The following TUBA4B variants were observed in gnomAD, a reference collection of about 807,000 sequenced individuals.
TUBA4B encodes tubulin alpha 4b.
In TUBA4B, 13 loss-of-function variants were observed where a neutral mutation model predicts 18.4. That is an observed-to-expected ratio of 0.71 (90% CI 0.46 to 1.12). The LOEUF is 1.12. Among genes scored for constraint, TUBA4B ranks in the 50% most tolerant of loss-of-function variants. TUBA4B has a pLI of 0.00. For missense variants in TUBA4B, 244 were observed against 250.0 expected (o/e 0.98, Z 0.16); for synonymous variants, 101 against 99.1 (o/e 1.02, Z -0.11).
Position 219,253,342 on chromosome 2 carries a change from G to T in TUBA4B, c.-66G>T. 6.5e-7 allele frequency: 1 copy of T among 1,533,490 alleles called. No homozygotes were observed. Among genetic ancestry groups the T allele is most frequent in the Non-Finnish European group, 8.7e-7 (1 of 1,146,016 alleles). The allele number at this position is 1,533,490 out of a possible 1,614,324, so 95.0% of individuals were successfully genotyped here. A position where few individuals can be genotyped will look rare whatever the true frequency, so the allele number is the denominator to read the frequency against. ...ACCAACCCTCTCAGCTCAGACGCGG[G>T]GTGCTGAGTCACGGGGGGGGGGTGG... On this transcript the variant is annotated 5_prime_UTR_variant, in exon 1 of 4. Coordinates refer to ENST00000490341, the MANE Select transcript of TUBA4B (RefSeq NM_001355221.1).
In TUBA4B at chr2:219,256,208, G is replaced by A. The variant is rs192368910; in HGVS notation, c.12+2789G>A. Among the ~76,000 whole-genome samples the A allele has an allele frequency of 1.6e-4, 25 of 152,270 alleles. No individual in the cohort carries two copies. In the East Asian group the frequency reaches 2.1e-3, roughly 13 times the overall value. ...GTGCAGATTCTTCATTTGTAAAACC[G>A]GGATAACAACTTCAGATTGTGAATA... On this transcript the variant is annotated intron_variant, in intron 1 of 3. Coordinates refer to ENST00000490341, the MANE Select transcript of TUBA4B (RefSeq NM_001355221.1).
In TUBA4B at chr2:219,271,638, C is replaced by T. The variant is rs56105486; in HGVS notation, c.665C>T (p.Thr222Met). 0.019 allele frequency: 30,799 copies of T among 1,613,746 alleles called. 860 individuals are homozygous for T. Among genetic ancestry groups the T allele is most frequent in the East Asian group, 0.11 (4,760 of 44,876 alleles). The change falls in exon 4 of 4, where the codon ACG (threonine) becomes ATG (methionine). Residue 222 changes from threonine (T) to methionine (M), a missense_variant. By Grantham distance (81) the Thr-to-Met change is moderately conservative (BLOSUM62 -1). Coordinates refer to ENST00000490341, the MANE Select transcript of TUBA4B (RefSeq NM_001355221.1). ...TCATCTCTGCAGAAAAGGTATACCA[C>T]GAGCAGCTGTTGGTGGCAGAGATTA... ...HQSSLQKRYT[T>M]SSCWWQRLPM...
chr2:219,271,838 G>T lies in TUBA4B; in HGVS notation c.*139G>T. ...CAGTTTGTGGACTGGTGCCCCACAG[G>T]CTTTAAGGTTGATATCAATCACCAG... On this transcript the variant is annotated 3_prime_UTR_variant, in exon 4 of 4. Coordinates refer to ENST00000490341, the MANE Select transcript of TUBA4B (RefSeq NM_001355221.1). The T allele has an allele frequency of 6.4e-7, 1 of 1,563,158 alleles. No homozygotes were observed. Among genetic ancestry groups the T allele is most frequent in the Non-Finnish European group, 8.8e-7 (1 of 1,133,776 alleles).
chr2:219,267,581 G>GTTT (rs1329718937), intron 2 of TUBA4B, among the ~76,000 whole-genome samples: 2 of 142,506 alleles, frequency 1.4e-5, no homozygotes, highest in Admixed American at 7.0e-5. Flanking sequence ...TCTTTTTTTT[G>GTTT]TTTTTTTTTT....
intron 1 of TUBA4B, among the ~76,000 whole-genome samples, chr2:219,257,665 A>AAG (rs1559279321): frequency 6.3e-5 from 9 of 143,620 alleles, no homozygotes; most frequent in Non-Finnish European, 4.5e-5. Context: ...AAAAAAAAAA[A>AAG]AGAGACAGGA....
At chr2:219,265,363 G>T (rs914496422) in intron 1 of TUBA4B, among the ~76,000 whole-genome samples, 1 of 152,224 alleles carries the variant, frequency 6.6e-6, no homozygotes, top group Non-Finnish European at 1.5e-5. Flanking sequence ...CAGACTAGGC[G>T]CAGGGGCTCA....
intron 1 of TUBA4B, among the ~76,000 whole-genome samples, chr2:219,261,245 C>T (rs1425271207): frequency 1.3e-5 from 2 of 152,190 alleles, no homozygotes; most frequent in Non-Finnish European, 2.9e-5. Flanking sequence ...GACATCTTCC[C>T]TCAGGAACAC....
chr2:219,253,945 A>G, intron 1 of TUBA4B: 2 of 792,818 alleles, frequency 2.5e-6, no homozygotes, highest in Admixed American at 4.4e-5. Context: ...CACCGCCCTT[A>G]TAGGCGGGGG....
intron 1 of TUBA4B, among the ~76,000 whole-genome samples, chr2:219,259,906 A>G (rs1004104960): frequency 8.6e-5 from 13 of 151,976 alleles, no homozygotes; most frequent in African/African-American, 2.4e-4. Context: ...TCACCCCTCA[A>G]TACTCTCCCT....
intron 1 of TUBA4B, among the ~76,000 whole-genome samples, chr2:219,263,566 T>C (rs1476293505): frequency 2.6e-5 from 4 of 152,174 alleles, no homozygotes; most frequent in Admixed American, 6.5e-5. Context: ...CCAAGGCCAG[T>C]TGGGAGAAGT....
At chr2:219,266,594 G>C (rs774962573) in intron 2 of TUBA4B, 28 bp downstream of exon 2, 2 of 702,610 alleles carry the variant, frequency 2.8e-6, no homozygotes, top group Non-Finnish European at 5.2e-6. Context: ...TGGGGGGACT[G>C]AGCATGCAAG....
In TUBA4B at chr2:219,260,943, T is replaced by TG. The variant is rs1951756130; in HGVS notation, c.13-5573dup. Among the ~76,000 whole-genome samples, 4 of 152,156 alleles carry TG rather than the reference T, an allele frequency of 2.6e-5. No homozygotes were observed. In the South Asian group the frequency reaches 8.3e-4, roughly 32 times the overall value. ...AAGATCGCACCATCGCACTCCAGCC[T>TG]GGGGGACAAGAGCGAGACTTCATCT... On this transcript the variant is annotated intron_variant, in intron 1 of 3. Coordinates refer to ENST00000490341, the MANE Select transcript of TUBA4B (RefSeq NM_001355221.1).
intron 1 of TUBA4B, among the ~76,000 whole-genome samples, chr2:219,259,318 T>TA (rs35321348): frequency 0.022 from 1,643 of 73,712 alleles, 19 homozygotes; most frequent in South Asian, 0.034. Context: ...AGACTCTGTC[T>TA]AAAAAAAAAA....
intron 1 of TUBA4B, among the ~76,000 whole-genome samples, chr2:219,265,993 C>T (rs550493644): frequency 2.2e-4 from 34 of 152,166 alleles, no homozygotes; most frequent in Non-Finnish European, 3.7e-4. Flanking sequence ...AGCTCTAGGT[C>T]GCTTGTTCTA....
rs1224661899 is a variant in TUBA4B at position 219,253,302 on chromosome 2, C to T, written c.-106C>T. ...GAGAGGGCCAGCTCGCTTCAGGAGG[C>T]CGAACCCCGTTCCCACCAACCCTCT... is the stretch of plus-strand genomic sequence containing the variant. On this transcript the variant is annotated 5_prime_UTR_variant, in exon 1 of 4. Coordinates refer to ENST00000490341, the MANE Select transcript of TUBA4B (RefSeq NM_001355221.1). 1.3e-5 allele frequency: 19 copies of T among 1,515,700 alleles called. No homozygotes were observed. Among genetic ancestry groups the T allele is most frequent in the Admixed American group, 2.0e-5 (1 of 49,884 alleles). 93.9% of individuals were successfully genotyped at this position (1,515,700 alleles called of 1,614,324 possible).
At chr2:219,255,281 C>T (rs940354986) in intron 1 of TUBA4B, among the ~76,000 whole-genome samples, 1 of 152,160 alleles carries the variant, frequency 6.6e-6, no homozygotes, top group African/African-American at 2.4e-5. Flanking sequence ...TCTTGTTGCC[C>T]AGGCTGGAGT....
chr2:219,253,928 A>C, intron 1 of TUBA4B: 10 of 1,140,250 alleles, frequency 8.8e-6, no homozygotes, highest in Non-Finnish European at 1.1e-5. Flanking sequence ...CGCTAGCTGC[A>C]GTGCCGCACC....
rs1023604999 is a variant in TUBA4B at position 219,270,292 on chromosome 2, G to A, written c.149G>A (p.Gly50Glu). ...NNYAWGHYTI[G>E]KEFIDLLLDR... The stretch of plus-strand genomic sequence containing the variant: ...TATGCCTGGGGCCACTACACCATTG[G>A]GAAGGAGTTCATCGACCTGCTACTG... The change falls in exon 3 of 4, where the codon GGG becomes GAG. Residue 50 changes from glycine (G) to glutamate (E), a missense_variant. By Grantham distance (98) the Gly-to-Glu change is moderately conservative. Transcript: ENST00000490341. 9 of 762,812 alleles carry A rather than the reference G, an allele frequency of 1.2e-5. No individual in the cohort carries two copies. Among genetic ancestry groups the A allele is most frequent in the Non-Finnish European group, 1.7e-5 (7 of 411,464 alleles). The allele number at this position is 762,812 out of a possible 1,614,324, so 47.3% of individuals were successfully genotyped here.
intron 1 of TUBA4B, among the ~76,000 whole-genome samples, chr2:219,257,691 C>T (rs1951730652): frequency 7.0e-6 from 1 of 143,078 alleles, no homozygotes; most frequent in African/African-American, 2.6e-5. Flanking sequence ...GGATCTTGCT[C>T]TCTTGCCCAG....
Sources: gnomAD v4.1 joint callset for allele counts (sites outside exome capture counted in the v4.1 genomes callset) on GRCh38, gnomAD v4.1.1 for gene constraint, MANE v1.5 for transcripts, NCBI Gene and HGNC (gene_info 2026-07-23, HGNC 2026-07-21) for gene names.